SMARCC2: variants seen among roughly 807,000 people sequenced by gnomAD.
The protein encoded by SMARCC2 is SWI/SNF related BAF chromatin remodeling complex subunit C2.
SMARCC2 carries 15 observed loss-of-function variants against 151.3 expected under a neutral mutation model. That is an observed-to-expected ratio of 0.10 (90% CI 0.07 to 0.15). SMARCC2 has a LOEUF of 0.15. Ranked by LOEUF, SMARCC2 falls within the 10% of genes least tolerant of loss-of-function variation. The pLI, the probability that SMARCC2 is intolerant of heterozygous loss-of-function variation, is 1.00. For missense variants in SMARCC2, 1,031 were observed against 1,599.7 expected, an observed-to-expected ratio of 0.64 and a Z score of 6.06; for synonymous variants, 590 against 609.5, an observed-to-expected ratio of 0.97 and a Z score of 0.47.
At chr12:56,182,147 C>CTT in intron 7 of SMARCC2, 68 bp from the exon 8 acceptor site, 2 of 1,061,864 alleles carry the variant, frequency 1.9e-6, no homozygotes, top group Non-Finnish European at 2.8e-6. Flanking sequence ...AAGTGCAGAT[C>CTT]TTTTACCCTT....
chr12:56,185,283 A>C, intron 3 of SMARCC2, 172 bp from the exon 4 acceptor site: 1 of 588,210 alleles, frequency 1.7e-6, no homozygotes. Flanking sequence ...GGTTCAAGCA[A>C]TTCTCCTGTC....
intron 26 of SMARCC2, 53 bp downstream of exon 26, chr12:56,168,007 C>T (rs1021303443): frequency 1.1e-5 from 16 of 1,521,436 alleles, no homozygotes; most frequent in South Asian, 4.5e-5. Flanking sequence ...CACGCCCCTC[C>T]GATTTTAAAC....
At chr12:56,175,295 G>A (rs1015015834) in intron 15 of SMARCC2, among the ~76,000 whole-genome samples, 45 of 152,220 alleles carry the variant, frequency 3.0e-4, no homozygotes, top group African/African-American at 1.1e-3. Context: ...ACAGGCATGA[G>A]CCACTGCACC....
chr12:56,186,080 A>G, intron 3 of SMARCC2, 75 bp downstream of exon 3: 2 of 1,063,318 alleles, frequency 1.9e-6, no homozygotes, highest in South Asian at 2.6e-5. Flanking sequence ...TTTCTACCCC[A>G]GAAAGATCCC....
At position 56,181,004 on chromosome 12, in the gene SMARCC2, C is replaced by T; in HGVS notation, c.1054G>A (p.Val352Ile). Residue 352 changes from valine to isoleucine, a missense_variant, in exon 11 of 29, where the codon GTA becomes ATA. Transcript: ENST00000550164. ...GTTTTGGGAAGTGTCACCTCTTCTA[C>T]ATTGGGGACTGGTGAGGGCTCGTCC... ...DMDEPSPVPN[V>I]EEVTLPKTVN... is the part of the protein sequence containing the mutation. 1.2e-6 allele frequency: 2 copies of T among 1,613,798 alleles called. No homozygotes were observed. The highest frequency in any genetic ancestry group is 1.7e-6 in the Non-Finnish European group (2 of 1,179,842).
At chr12:56,172,079 C>G (rs1486543213) in intron 20 of SMARCC2, 142 bp from the exon 21 acceptor site, 2 of 685,348 alleles carry the variant, frequency 2.9e-6, no homozygotes, top group Non-Finnish European at 2.4e-6. Flanking sequence ...CAAGGGGGAT[C>G]TTGAAGTAGC....
At position 56,164,500 on chromosome 12, in the gene SMARCC2, G is replaced by A. The variant is rs148238270; in HGVS notation, c.3464C>T (p.Pro1155Leu). 15 of 1,614,082 alleles carry A rather than the reference G, an allele frequency of 9.3e-6. No individual in the cohort carries two copies. The highest frequency in any genetic ancestry group is 4.0e-5 in the African/African-American group (3 of 74,950). ...PNLHGHHHHLPFAPGTLPPPN... is the reference protein window; with the variant it reads ...PNLHGHHHHLLFAPGTLPPPN... ...TGGGGGGAGAGTGCCCGGGGCGAACGGGAGATGGTGGTGATGCCCATGCAG... is the reference window on the plus strand; with the variant it reads ...TGGGGGGAGAGTGCCCGGGGCGAACAGGAGATGGTGGTGATGCCCATGCAG... Residue 1155 changes from proline to leucine, a missense_variant, in exon 28 of 29, where the codon CCG becomes CTG. Coordinates refer to ENST00000550164, the MANE Select transcript of SMARCC2 (RefSeq NM_001330288.2).
chr12:56,177,958 G>A (rs1011276579), intron 15 of SMARCC2, 64 bp downstream of exon 15: 1 of 1,108,230 alleles, frequency 9.0e-7, no homozygotes, highest in South Asian at 1.3e-5. Context: ...AATGTTACTG[G>A]ATCAGGAAGG....
Position 56,186,887 on chromosome 12 carries a change from G to C in SMARCC2, c.231+300C>G, listed in dbSNP as rs2099296519. The C allele has an allele frequency of 2.2e-5, 5 of 229,474 alleles. No homozygotes were observed. The South Asian group carries it at 3.2e-4, about 15-fold the overall frequency. The allele number at this position is 229,474 out of a possible 1,614,324, so 14.2% of individuals were successfully genotyped here. ...CCATCCAATGGCAAAGCCAGGATTT[G>C]AACACAAGCCTGCACAAATCCAAAT... On this transcript the variant is annotated intron_variant, in intron 2 of 28. Coordinates refer to ENST00000550164, the MANE Select transcript of SMARCC2 (RefSeq NM_001330288.2).
chr12:56,186,008 C>G, intron 3 of SMARCC2, 147 bp downstream of exon 3: 1 of 656,422 alleles, frequency 1.5e-6, no homozygotes, highest in East Asian at 2.6e-5. Flanking sequence ...TGACTCCCAA[C>G]CATCTTCCTG....
intron 1 of SMARCC2, 109 bp downstream of exon 1, chr12:56,189,242 C>T (rs1368948135): frequency 1.4e-5 from 5 of 360,522 alleles, no homozygotes; most frequent in Non-Finnish European, 1.9e-5. Flanking sequence ...TGGGAGGCCG[C>T]GGGGGAGGGG....
At chr12:56,177,783 G>A (rs1298081600) in intron 15 of SMARCC2, among the ~76,000 whole-genome samples, 1 of 152,192 alleles carries the variant, frequency 6.6e-6, no homozygotes, top group Non-Finnish European at 1.5e-5. Flanking sequence ...ACTGGAGTAG[G>A]TACTTGTTAT....
intron 15 of SMARCC2, among the ~76,000 whole-genome samples, chr12:56,177,377 T>TG (rs996104942): frequency 2.0e-5 from 3 of 152,208 alleles, no homozygotes; most frequent in African/African-American, 7.2e-5. Context: ...CCGAAGTAGC[T>TG]GGGACCACAG....
rs1337012208 is a variant in SMARCC2, at chr12:56,171,351, A to G, written c.2267T>C (p.Val756Ala). Residue 756 changes from valine to alanine, a missense_variant, in exon 22 of 29, where the codon GTA becomes GCA. Val to Ala is a moderately conservative substitution (Grantham distance 64, BLOSUM62 0). Coordinates refer to ENST00000550164, the MANE Select transcript of SMARCC2 (RefSeq NM_001330288.2). The surrounding 1 kb of genome is among the most constrained non-coding windows in gnomAD (Gnocchi z 4.2). ...HVRKVEEAAK[V>A]TGKADPAFGL... The stretch of plus-strand genomic sequence containing the variant: ...GAAGGCAGGGTCCGCCTTGCCTGTT[A>G]CTTTGGCTGCTTCTTCCACTTTTCG... The G allele has an allele frequency of 6.2e-7, 1 of 1,614,154 alleles. No homozygotes were observed. The highest frequency in any genetic ancestry group is 8.5e-7 in the Non-Finnish European group (1 of 1,180,030).
At chr12:56,184,108 T>C (rs1876787205) in intron 6 of SMARCC2, 67 bp downstream of exon 6, 2 of 1,241,764 alleles carry the variant, frequency 1.6e-6, no homozygotes, top group East Asian at 2.3e-5. Flanking sequence ...TACTGAATGG[T>C]GATCTTAGTC....
At position 56,178,529 on chromosome 12, in the gene SMARCC2, C is replaced by T. The variant is rs1875478938; in HGVS notation, c.1185G>A (p.Glu395=). Residue 395 remains glutamate (E), a synonymous_variant, in exon 14 of 29, where the codon GAG becomes GAA. Transcript: ENST00000550164. ...CCTTGTTCCCCGTACTGTTCTCATC[C>T]TCATCCTACGAGTATGGAGGCTGCT... The part of the protein sequence containing the change: ...DESMETTGKD[E]DENSTGNKGE... The T allele has an allele frequency of 6.2e-7, 1 of 1,614,212 alleles. No individual in the cohort carries two copies. Among genetic ancestry groups the T allele is most frequent in the East Asian group, 2.2e-5 (1 of 44,884 alleles).
At chr12:56,178,560 C>G (rs765308755) in intron 13 of SMARCC2, 26 bp from the exon 14 acceptor site, 2 of 1,614,082 alleles carry the variant, frequency 1.2e-6, no homozygotes, top group Non-Finnish European at 8.5e-7. Context: ...CTGCTGGACA[C>G]TCAGCATTCC....
chr12:56,167,627 C>A (rs945412565), intron 26 of SMARCC2, among the ~76,000 whole-genome samples: 1 of 152,120 alleles, frequency 6.6e-6, no homozygotes, highest in African/African-American at 2.4e-5. Flanking sequence ...TCATCCGTTA[C>A]GCCCATTCAC....
At chr12:56,187,831 T>C (rs1390393703) in intron 1 of SMARCC2, among the ~76,000 whole-genome samples, 1 of 152,160 alleles carries the variant, frequency 6.6e-6, no homozygotes, top group Non-Finnish European at 1.5e-5. Context: ...TGGGTATAAA[T>C]GTCTTCATAG....
Sources: allele counts gnomAD v4.1 joint callset (sites outside exome capture counted in the v4.1 genomes callset), GRCh38; gene constraint gnomAD v4.1.1; non-coding constraint Gnocchi (gnomAD v3.1); transcripts MANE v1.5; gene names NCBI Gene and HGNC (gene_info 2026-07-23, HGNC 2026-07-21).